The following CRIP3 variants were observed in gnomAD, a reference collection of about 807,000 sequenced individuals.
The protein encoded by CRIP3 is cysteine rich protein 3, also known as cysteine-rich protein 3.
A neutral mutation model predicts 30.3 loss-of-function variants in CRIP3; 23 were observed. That is an observed-to-expected ratio of 0.76 (90% CI 0.55 to 1.08). The LOEUF (loss-of-function observed/expected upper bound fraction) is 1.08. CRIP3 is among the 50% of genes least tolerant of loss of function. CRIP3 has a pLI of 0.00. For synonymous variants in CRIP3, 89 were observed against 97.6 expected, an observed-to-expected ratio of 0.91 and a Z score of 0.52; for missense variants, 261 against 259.3, an observed-to-expected ratio of 1.01 and a Z score of -0.04.
At chr6:43,305,921 A>G (rs756372630) in intron 7 of CRIP3, 46 bp from the exon 8 acceptor site, 3 of 1,613,852 alleles carry the variant, frequency 1.9e-6, no homozygotes, top group East Asian at 2.2e-5. Flanking sequence ...TCTGTGGTGC[A>G]GGGTTCAGGC....
At position 43,305,688 on chromosome 6, in the gene CRIP3, T is replaced by C; in HGVS notation, c.*126A>G. ...AGACTCTCTGGCCTACCATGGAGCC[T>C]AGGCCCAGGCCCCCAAGATCCCACC... On this transcript the variant is annotated 3_prime_UTR_variant, in exon 8 of 8. Transcript: ENST00000372569. 1 of 1,221,994 alleles carries C rather than the reference T, an allele frequency of 8.2e-7. No homozygotes were observed. Among genetic ancestry groups the C allele is most frequent in the South Asian group, 1.2e-5 (1 of 81,562 alleles). 75.7% of individuals were successfully genotyped at this position (1,221,994 alleles called of 1,614,324 possible).
In CRIP3 at chr6:43,306,222, A is replaced by C. The variant is rs1329317520; in HGVS notation, c.492T>G (p.Ala164=). ...CACTCATTCCTGCCCTGCTCACCTC[A>C]GCATGACTCCCAGCAGTCAGGGTCT... The part of the protein sequence containing the change: ...CHKTLTAGSH[A]EHDGVPYCHV... The change falls in exon 6 of 8, where the codon GCT becomes GCG. Residue 164 remains alanine (A), a synonymous_variant. Transcript: ENST00000372569. 4 of 1,614,052 alleles carry C rather than the reference A, an allele frequency of 2.5e-6. No individual in the cohort carries two copies. The highest frequency in any genetic ancestry group is 3.4e-6 in the Non-Finnish European group (4 of 1,180,036).
chr6:43,308,728 C>G (rs888008920), intron 1 of CRIP3, 22 bp downstream of exon 1: 1 of 1,613,872 alleles, frequency 6.2e-7, no homozygotes, highest in African/African-American at 1.3e-5. Context: ...CATCTTCTCC[C>G]CCTCCGCAGC....
At chr6:43,308,583 C>CAGAGGA in intron 1 of CRIP3, 167 bp downstream of exon 1, 1 of 954,802 alleles carries the variant, frequency 1.0e-6, no homozygotes, top group Non-Finnish European at 1.6e-6. Flanking sequence ...ACAGAGCTCT[C>CAGAGGA]AGAGGAAGGG....
intron 4 of CRIP3, 40 bp from the exon 5 acceptor site, chr6:43,306,557 G>A: frequency 6.7e-7 from 1 of 1,497,098 alleles, no homozygotes; most frequent in Non-Finnish European, 9.1e-7. Context: ...CTGAGGTGGA[G>A]ATGCCCACCA....
chr6:43,307,778 C>G, intron 3 of CRIP3, 35 bp from the exon 4 acceptor site: 1 of 1,608,898 alleles, frequency 6.2e-7, no homozygotes, highest in Non-Finnish European at 8.5e-7. Context: ...GGCTTGAGCC[C>G]CCAGCTCCCA....
At chr6:43,308,526 G>A (rs1778994369) in intron 1 of CRIP3, 117 bp from the exon 2 acceptor site, 2 of 949,186 alleles carry the variant, frequency 2.1e-6, no homozygotes, top group Non-Finnish European at 3.2e-6. Flanking sequence ...CTGGAGATGA[G>A]TGTCTCCAGG....
At position 43,306,447 on chromosome 6, in the gene CRIP3, A is replaced by G; in HGVS notation, c.399T>C (p.Phe133=). The change falls in exon 5 of 8, where the codon TTT becomes TTC. Residue 133 remains phenylalanine (F), a splice_region_variant and synonymous_variant. Transcript: ENST00000372569. ...LCPGCGEPVY[F]AEKVMSLGRN... ...CCCAAGTTTTCCACTGTTACTTACC[A>G]AAATAGACGGGCTCCCCACAGCCAG... The G allele has an allele frequency of 6.2e-7, 1 of 1,611,774 alleles. No individual in the cohort carries two copies. The highest frequency in any genetic ancestry group is 8.5e-7 in the Non-Finnish European group (1 of 1,179,132).
chr6:43,306,912 G>T (rs1463939123), intron 4 of CRIP3: 33 of 184,550 alleles, frequency 1.8e-4, no homozygotes, highest in Non-Finnish European at 3.6e-4. Context: ...AGGGACCAGA[G>T]GAGAAAAGTT....
chr6:43,307,587 TG>T, intron 4 of CRIP3, 24 bp downstream of exon 4: 1 of 1,429,386 alleles, frequency 7.0e-7, no homozygotes, highest in Non-Finnish European at 9.2e-7. Context: ...GGAGGAGGAC[TG>T]GGAGGAGCTG....
At chr6:43,307,810 ACCCATGGC>A (rs1778978825) in intron 3 of CRIP3, 21 bp downstream of exon 3, 1 of 1,613,002 alleles carries the variant, frequency 6.2e-7, no homozygotes, top group Non-Finnish European at 8.5e-7. Context: ...GGTTCTGCTG[ACCCATGGC>A]CCCTTAAGGC....
Position 43,305,798 on chromosome 6 carries a change from C to CT in CRIP3, c.*15dup. 1 of 1,613,992 alleles carries CT rather than the reference C, an allele frequency of 6.2e-7. No homozygotes were observed. ...GATGGGAGGCCTGAGTTAGGGTGAC[C>CT]TTTTTTGTGAGCGTCTCATTTGAAT... On this transcript the variant is annotated 3_prime_UTR_variant, in exon 8 of 8. Transcript: ENST00000372569.
chr6:43,306,404 C>A (rs1365508068), intron 5 of CRIP3, 42 bp downstream of exon 5: 1 of 1,609,494 alleles, frequency 6.2e-7, no homozygotes, highest in African/African-American at 1.3e-5. Flanking sequence ...CCCTTGCTGC[C>A]CACCCTGTAT....
chr6:43,306,149 T>C lies in CRIP3; in HGVS notation c.496-25A>G. On this transcript the variant is annotated intron_variant, in intron 6 of 7. Transcript: ENST00000372569. ...GCTGAGACACAGAGAGAAAGAGAGC[T>C]GTCTCAGCCTGGTTCTCTTCCCATC... The C allele has an allele frequency of 1.9e-6, 3 of 1,614,082 alleles. No homozygotes were observed. In the East Asian group the frequency reaches 6.7e-5, roughly 36 times the overall value.
At chr6:43,308,263 G>A in intron 2 of CRIP3, 52 bp downstream of exon 2, 2 of 1,457,514 alleles carry the variant, frequency 1.4e-6, no homozygotes, top group Non-Finnish European at 1.9e-6. Context: ...TGGTGCCTGG[G>A]GGGTGGGAGG....
Position 43,306,115 on chromosome 6 carries a change from C to T in CRIP3, c.505G>A (p.Val169Ile). 1 of 1,614,034 alleles carries T rather than the reference C, an allele frequency of 6.2e-7. No homozygotes were observed. The highest frequency in any genetic ancestry group is 8.5e-7 in the Non-Finnish European group (1 of 1,179,972). The change falls in exon 7 of 8, where the codon GTC becomes ATC. Residue 169 changes from valine (V) to isoleucine (I), a missense_variant. Transcript: ENST00000372569. Reference sequence around the variant, plus strand: ...TAGCAGGGGACGTGGCAGTAGGGGACTCCATCATGCTGAGACACAGAGAGA... The same window carrying T: ...TAGCAGGGGACGTGGCAGTAGGGGATTCCATCATGCTGAGACACAGAGAGA... ...TAGSHAEHDG[V>I]PYCHVPCYGY...
chr6:43,306,749 TC>T, intron 4 of CRIP3: 1 of 501,582 alleles, frequency 2.0e-6, no homozygotes, highest in East Asian at 3.4e-5. Flanking sequence ...TTCCTTTTCA[TC>T]CTCCCAGGGG....
At position 43,305,867 on chromosome 6, in the gene CRIP3, T is replaced by C; in HGVS notation, c.562A>G (p.Ile188Val). Residue 188 changes from isoleucine (I) to valine (V), a missense_variant, in exon 8 of 8, where the codon ATT becomes GTT. Ile to Val is a conservative substitution (Grantham distance 29). Coordinates refer to ENST00000372569, the MANE Select transcript of CRIP3 (RefSeq NM_206922.3). ...GYLFGPKGVN[I>V]GDVGCYIYDP... ...TAGATGTAGCAGCCCACATCGCCAA[T>C]GTTCACACCTGAGAGAGAGAGCCCT... 1 of 1,614,166 alleles carries C rather than the reference T, an allele frequency of 6.2e-7. No homozygotes were observed. The highest frequency in any genetic ancestry group is 8.5e-7 in the Non-Finnish European group (1 of 1,180,020).
At chr6:43,308,011 C>T (rs1778983245) in intron 2 of CRIP3, 115 bp from the exon 3 acceptor site, 1 of 1,186,932 alleles carries the variant, frequency 8.4e-7, no homozygotes, top group Non-Finnish European at 1.2e-6. Flanking sequence ...GTCTGGTGGG[C>T]CTGGGAGGGG....
Sources: allele counts gnomAD v4.1 joint callset, GRCh38; gene constraint gnomAD v4.1.1; transcripts MANE v1.5; gene names NCBI Gene and HGNC (gene_info 2026-07-23, HGNC 2026-07-21).